The following OXLD1 variants were observed in gnomAD, a reference collection of about 807,000 sequenced individuals.
The protein encoded by OXLD1 is oxidoreductase like domain containing 1.
Under a neutral mutation model 3.1 loss-of-function variants are expected in OXLD1, and 4 were observed. The ratio of observed to expected loss-of-function variants is 1.28; its 90% confidence interval spans 0.63 to 2.92. OXLD1 has a LOEUF of 2.92. Ranked by LOEUF, OXLD1 falls within the 30% of genes most tolerant of loss-of-function variation. The probability of loss-of-function intolerance (pLI) is 0.01; values close to 1 mark genes in which losing one functional copy is unlikely to be tolerated. For synonymous variants in OXLD1, 100 were observed against 87.0 expected, an observed-to-expected ratio of 1.15 and a Z score of -0.83; for missense variants, 240 against 204.6, an observed-to-expected ratio of 1.17 and a Z score of -1.05.
chr17:81,666,588 C>A lies in OXLD1; in HGVS notation c.-11G>T. 6.9e-7 allele frequency: 1 copy of A among 1,446,014 alleles called. No homozygotes were observed. The highest frequency in any genetic ancestry group is 2.8e-5 in the East Asian group (1 of 35,928). 89.6% of individuals were successfully genotyped at this position (1,446,014 alleles called of 1,614,324 possible). ...CCTCCGCAGCAGCATCGCCCGCGGACGGGATCCGGCAACCCCTGACCGTGA... is the reference window on the plus strand; with the variant it reads ...CCTCCGCAGCAGCATCGCCCGCGGAAGGGATCCGGCAACCCCTGACCGTGA... On this transcript the variant is annotated 5_prime_UTR_variant, in exon 1 of 2. Coordinates refer to ENST00000374741, the MANE Select transcript of OXLD1 (RefSeq NM_001039842.3).
Position 81,665,630 on chromosome 17 carries a change from C to A in OXLD1, c.61-46G>T, listed in dbSNP as rs376389525. The A allele has an allele frequency of 2.9e-5, 45 of 1,525,480 alleles. No homozygotes were observed. In the African/African-American group the frequency reaches 5.6e-4, roughly 19 times the overall value. The allele number at this position is 1,525,480 out of a possible 1,614,324, so 94.5% of individuals were successfully genotyped here. Reference sequence around the variant, plus strand: ...GTGACTCTCCAGGAAGCTGGTGAGGCCCGGTCTACCCCCAGCAGTGAGGAC... The same window carrying A: ...GTGACTCTCCAGGAAGCTGGTGAGGACCGGTCTACCCCCAGCAGTGAGGAC... On this transcript the variant is annotated intron_variant, in intron 1 of 1. Transcript: ENST00000374741.
chr17:81,666,316 A>C (rs2036616542), intron 1 of OXLD1: 1 of 567,868 alleles, frequency 1.8e-6, no homozygotes, highest in South Asian at 2.4e-5. Flanking sequence ...GCCCCTCCAC[A>C]GATTCCGGGG....
Position 81,665,125 on chromosome 17 carries a change from T to C in OXLD1, c.*76A>G. 1 of 1,479,722 alleles carries C rather than the reference T, an allele frequency of 6.8e-7. No individual in the cohort carries two copies. The allele number at this position is 1,479,722 out of a possible 1,614,324, so 91.7% of individuals were successfully genotyped here. ...ATTCCCGTTGGACACAAGGAGTCTG[T>C]GAGGGGGTGTGAAGGAAGGAGGCTG... On this transcript the variant is annotated 3_prime_UTR_variant, in exon 2 of 2. Coordinates refer to ENST00000374741, the MANE Select transcript of OXLD1 (RefSeq NM_001039842.3).
In OXLD1 at chr17:81,665,564, G is replaced by A. The variant is rs1486271228; in HGVS notation, c.81C>T (p.Ser27=). Residue 27 remains serine, a synonymous_variant, in exon 2 of 2, where the codon AGC becomes AGT. Coordinates refer to ENST00000374741, the MANE Select transcript of OXLD1 (RefSeq NM_001039842.3). ...CAGGAAGCCTCTGGCAGCAGTCCGG[G>A]CTGGAGAACCGGCGAGCCCCCTGAG... The part of the protein sequence containing the change: ...VRGSGARRFS[S]PDCCQRLPGG... 1.9e-6 allele frequency: 3 copies of A among 1,594,666 alleles called. No homozygotes were observed. Among genetic ancestry groups the A allele is most frequent in the Non-Finnish European group, 1.7e-6 (2 of 1,167,672 alleles).
chr17:81,665,061 T>A lies in OXLD1; in HGVS notation c.*140A>T. ...TCCTGTGAAACCACCATAGAGAATT[T>A]ATTTTTTTCTCAGGTGAAGTCAGTA... On this transcript the variant is annotated 3_prime_UTR_variant, in exon 2 of 2. Coordinates refer to ENST00000374741, the MANE Select transcript of OXLD1 (RefSeq NM_001039842.3). The A allele has an allele frequency of 1.7e-6, 2 of 1,184,396 alleles. No individual in the cohort carries two copies. Among genetic ancestry groups the A allele is most frequent in the East Asian group, 2.5e-5 (1 of 39,620 alleles). The allele number at this position is 1,184,396 out of a possible 1,614,324, so 73.4% of individuals were successfully genotyped here. A position where few individuals can be genotyped will look rare whatever the true frequency, so the allele number is the denominator to read the frequency against.
chr17:81,666,234 A>G, intron 1 of OXLD1: 1 of 484,048 alleles, frequency 2.1e-6, no homozygotes, highest in East Asian at 3.5e-5. Context: ...GCTCGCACAC[A>G]GGCGCTCGGC....
intron 1 of OXLD1, 24 bp from the exon 2 acceptor site, chr17:81,665,608 A>C: frequency 6.4e-7 from 1 of 1,550,834 alleles, no homozygotes; most frequent in Non-Finnish European, 8.7e-7. Flanking sequence ...CAAACATGTG[A>C]CTCTCCAGGA....
rs1378808905 is a variant in OXLD1 at position 81,665,275 on chromosome 17, C to A, written c.370G>T (p.Glu124Ter). The A allele has an allele frequency of 1.2e-6, 2 of 1,613,476 alleles. No homozygotes were observed. The highest frequency in any genetic ancestry group is 1.7e-6 in the Non-Finnish European group (2 of 1,180,030). The change falls in exon 2 of 2, where the codon GAG (glutamate) becomes TAG (stop). Residue 124 changes from glutamate (E) to a stop codon, truncating the protein, a stop_gained. Coordinates refer to ENST00000374741, the MANE Select transcript of OXLD1 (RefSeq NM_001039842.3). LOFTEE classifies it high-confidence loss of function. ...TTGAGGTTCTCATCAGCCACGTGCT[C>A]CTCCAGGGCAGCCAGGGCCCGCTCC... ...GGERALAALE[E>*]HVADENLKAF...
chr17:81,666,291 TCCCAAGGCTAAGCGGCC>T (rs2036615577), intron 1 of OXLD1: 3 of 516,130 alleles, frequency 5.8e-6, no homozygotes, highest in Non-Finnish European at 1.0e-5. Flanking sequence ...CTGCTTCCTC[TCCCAAGGCTAAGCGGCC>T]CCTCCACAGA....
At chr17:81,666,381 G>T in intron 1 of OXLD1, 137 bp downstream of exon 1, 1 of 1,054,266 alleles carries the variant, frequency 9.5e-7, no homozygotes, top group Non-Finnish European at 1.3e-6. Context: ...TTCGGCGGCG[G>T]CCAGCGCGCG....
At position 81,666,480 on chromosome 17, in the gene OXLD1, T is replaced by TG. The variant is rs2036624237; in HGVS notation, c.60+37dup. ...CCCCCGGACAGCGGCCTCTCGGACGTGCCCTTCGGCGCTGCCAAGACCCGT... is the reference window on the plus strand; with the variant it reads ...CCCCCGGACAGCGGCCTCTCGGACGTGGCCCTTCGGCGCTGCCAAGACCCGT... On this transcript the variant is annotated intron_variant, in intron 1 of 1. Transcript: ENST00000374741. The TG allele has an allele frequency of 2.0e-6, 3 of 1,526,616 alleles. No homozygotes were observed. In the East Asian group the frequency reaches 7.7e-5, roughly 39 times the overall value. 94.6% of individuals were successfully genotyped at this position (1,526,616 alleles called of 1,614,324 possible). A position where few individuals can be genotyped will look rare whatever the true frequency, so the allele number is the denominator to read the frequency against.
Position 81,666,428 on chromosome 17 carries a change from G to A in OXLD1, c.60+90C>T, listed in dbSNP as rs868272879. 6 of 1,448,920 alleles carry A rather than the reference G, an allele frequency of 4.1e-6. No individual in the cohort carries two copies. The East Asian group carries it at 8.1e-5, about 19-fold the overall frequency. The allele number at this position is 1,448,920 out of a possible 1,614,324, so 89.8% of individuals were successfully genotyped here. A position where few individuals can be genotyped will look rare whatever the true frequency, so the allele number is the denominator to read the frequency against. On this transcript the variant is annotated intron_variant, in intron 1 of 1. Transcript: ENST00000374741. ...TCCGTCCCCACATGCGGGTGGAGGG[G>A]CCGGGGCTCCTCCCGGTACGTGCGG...
At position 81,665,501 on chromosome 17, in the gene OXLD1, C is replaced by A. The variant is rs377125959; in HGVS notation, c.144G>T (p.Ala48=). 3.7e-6 allele frequency: 6 copies of A among 1,612,466 alleles called. No homozygotes were observed. In the African/African-American group the frequency reaches 6.7e-5, roughly 18 times the overall value. Residue 48 remains alanine, a synonymous_variant, in exon 2 of 2, where the codon GCG becomes GCT. Transcript: ENST00000374741. ...GSFLQRHHPG[A]QAPDGRRKFG... Reference sequence around the variant, plus strand: ...ATTTTCTGCGCCCATCAGGGGCTTGCGCTCCGGGATGGTGCCTTTGAAGAA... The same window carrying A: ...ATTTTCTGCGCCCATCAGGGGCTTGAGCTCCGGGATGGTGCCTTTGAAGAA...
intron 1 of OXLD1, 115 bp downstream of exon 1, chr17:81,666,403 T>C: frequency 1.6e-6 from 2 of 1,289,186 alleles, no homozygotes; most frequent in Non-Finnish European, 2.1e-6. Context: ...TCCTCCCGGC[T>C]CCGTCCCCAC....
intron 1 of OXLD1, 23 bp from the exon 2 acceptor site, chr17:81,665,607 G>T (rs982714253): frequency 6.4e-7 from 1 of 1,553,308 alleles, no homozygotes; most frequent in African/African-American, 1.4e-5. Context: ...ACAAACATGT[G>T]ACTCTCCAGG....
At chr17:81,666,448 G>A (rs1210585819) in intron 1 of OXLD1, 70 bp downstream of exon 1, 3 of 1,502,844 alleles carry the variant, frequency 2.0e-6, no homozygotes, top group Non-Finnish European at 8.9e-7. Flanking sequence ...CTCCCGGTAC[G>A]TGCGGGCCCC....
intron 1 of OXLD1, chr17:81,665,789 G>A (rs981860504): frequency 6.5e-6 from 4 of 615,532 alleles, no homozygotes; most frequent in Admixed American, 3.4e-5. Context: ...GGTATGACAC[G>A]GTGTGATTCA....
At chr17:81,666,427 G>T (rs1164079027) in intron 1 of OXLD1, 91 bp downstream of exon 1, 1 of 1,436,482 alleles carries the variant, frequency 7.0e-7, no homozygotes, top group Non-Finnish European at 9.3e-7. Context: ...CGGGTGGAGG[G>T]GCCGGGGCTC....
In OXLD1 at chr17:81,666,557, G is replaced by C. The variant is rs552693475; in HGVS notation, c.21C>G (p.Val7=). The C allele has an allele frequency of 2.7e-6, 4 of 1,506,070 alleles. No homozygotes were observed. Among genetic ancestry groups the C allele is most frequent in the Middle Eastern group, 2.2e-4 (1 of 4,590 alleles). 93.3% of individuals were successfully genotyped at this position (1,506,070 alleles called of 1,614,324 possible). A position where few individuals can be genotyped will look rare whatever the true frequency, so the allele number is the denominator to read the frequency against. Residue 7 remains valine (V), a synonymous_variant, in exon 1 of 2, where the codon GTC becomes GTG. Coordinates refer to ENST00000374741, the MANE Select transcript of OXLD1 (RefSeq NM_001039842.3). ...CGGCGGCTACCGCCCGGCCTCCCTC[G>C]ACCACCCTCCGCAGCAGCATCGCCC... MLLRRV[V]EGGRAVAAAV...
Sources: allele counts gnomAD v4.1 joint callset, GRCh38; gene constraint gnomAD v4.1.1; transcripts MANE v1.5; gene names NCBI Gene and HGNC (gene_info 2026-07-23, HGNC 2026-07-21).